The following PCNX2 variants were observed in gnomAD, a reference collection of about 807,000 sequenced individuals.
PCNX2 encodes pecanex-like protein 2.
Under a neutral mutation model 223.8 loss-of-function variants are expected in PCNX2, and 168 were observed. The observed-to-expected ratio is 0.75, with a 90% CI of 0.66 to 0.85. The LOEUF is 0.85. Among genes scored for constraint, PCNX2 ranks in the 40% least tolerant of loss-of-function variants. The probability of loss-of-function intolerance (pLI) is 0.00; values close to 1 mark genes in which losing one functional copy is unlikely to be tolerated. For missense variants in PCNX2, 2,507 were observed against 2,675.5 expected, an observed-to-expected ratio of 0.94 and a Z score of 1.39; for synonymous variants, 1,006 against 1,052.6, an observed-to-expected ratio of 0.96 and a Z score of 0.86.
intron 8 of PCNX2, among the ~76,000 whole-genome samples, chr1:233,244,304 T>C (rs1025852755): frequency 6.6e-6 from 1 of 152,222 alleles, no homozygotes; most frequent in Non-Finnish European, 1.5e-5. Context: ...TGTGTTCACA[T>C]AGCTAGATAC....
chr1:233,246,834 G>A (rs1202837630), intron 8 of PCNX2, among the ~76,000 whole-genome samples: 2 of 152,206 alleles, frequency 1.3e-5, no homozygotes, highest in African/African-American at 4.8e-5. Context: ...ACATGCACTA[G>A]TATGTTAATT....
At chr1:233,024,759 T>C (rs1011775282) in intron 26 of PCNX2, among the ~76,000 whole-genome samples, 1 of 152,316 alleles carries the variant, frequency 6.6e-6, no homozygotes, top group Non-Finnish European at 1.5e-5. Context: ...ATAATTCTGA[T>C]TCTAAAGTGG....
intron 1 of PCNX2, among the ~76,000 whole-genome samples, chr1:233,263,931 T>G (rs1660194910): frequency 6.6e-6 from 1 of 152,118 alleles, no homozygotes; most frequent in Non-Finnish European, 1.5e-5. Flanking sequence ...TTCCCCTCCC[T>G]AACCTCCCAC....
chr1:233,262,098 G>C lies in PCNX2; in HGVS notation c.427C>G (p.Arg143Gly). Residue 143 changes from arginine to glycine, a missense_variant, in exon 3 of 34, where the codon CGC becomes GGC. By Grantham distance (125) the Arg-to-Gly change is moderately radical (BLOSUM62 -2). Transcript: ENST00000258229. ...ATGCTTTGCCCTCTGGAGCTGCAGC[G>C]GAGGGGAGGCGTGGAGAGGTTTCGA... ...ASRNLSTPPL[R>G]CSSRGQSITS... 6.2e-7 allele frequency: 1 copy of C among 1,613,852 alleles called. No individual in the cohort carries two copies. The highest frequency in any genetic ancestry group is 8.5e-7 in the Non-Finnish European group (1 of 1,179,786).
intron 28 of PCNX2, among the ~76,000 whole-genome samples, chr1:233,002,347 T>C (rs1442604522): frequency 1.3e-5 from 2 of 152,066 alleles, no homozygotes; most frequent in Non-Finnish European, 1.5e-5. Context: ...TCACAAGCAT[T>C]CATATACACC....
At chr1:233,192,259 G>A (rs1051681360) in intron 15 of PCNX2, among the ~76,000 whole-genome samples, 9 of 152,198 alleles carry the variant, frequency 5.9e-5, no homozygotes, top group African/African-American at 2.2e-4. Flanking sequence ...AGGACATGAT[G>A]AGACCTGTGA....
chr1:233,085,885 T>C (rs1223830150), intron 23 of PCNX2, among the ~76,000 whole-genome samples: 1 of 152,076 alleles, frequency 6.6e-6, no homozygotes, highest in East Asian at 1.9e-4. Context: ...GGTCTCCAAA[T>C]CACAACCACT....
At chr1:233,161,162 T>C (rs2296516) in intron 18 of PCNX2, 109 bp downstream of exon 18, 1 of 1,006,188 alleles carries the variant, frequency 9.9e-7, no homozygotes, top group African/African-American at 1.6e-5. Context: ...GGGCATTTTG[T>C]TTTCTTTCTC....
chr1:233,053,639 T>C (rs1027780364), intron 25 of PCNX2, among the ~76,000 whole-genome samples: 3 of 152,128 alleles, frequency 2.0e-5, no homozygotes, highest in Non-Finnish European at 4.4e-5. Context: ...ATAAACAACA[T>C]AGGAGAAGGC....
At chr1:233,223,211 T>C (rs548231442) in intron 10 of PCNX2, among the ~76,000 whole-genome samples, 1 of 152,236 alleles carries the variant, frequency 6.6e-6, no homozygotes, top group East Asian at 1.9e-4. Flanking sequence ...AGAAATTAAC[T>C]CTGTCAAATA....
At position 233,263,179 on chromosome 1, in the gene PCNX2, G is replaced by A. The variant is rs779588687; in HGVS notation, c.154-16C>T. 9.1e-6 allele frequency: 14 copies of A among 1,546,136 alleles called. No individual in the cohort carries two copies. The South Asian group carries it at 1.4e-4, about 16-fold the overall frequency. On this transcript the variant is annotated splice_polypyrimidine_tract_variant and intron_variant, in intron 1 of 33. Transcript: ENST00000258229. ...GAGGAAAAGCCTGAAGAAAGGAAAA[G>A]ACAGAGAAAAATCATTTGCTTTTAA...
intron 27 of PCNX2, 49 bp downstream of exon 27, chr1:233,016,872 A>G: frequency 6.3e-7 from 1 of 1,577,806 alleles, no homozygotes; most frequent in Non-Finnish European, 8.7e-7. Context: ...AATGTTCTTT[A>G]TTTATTAAAC....
At chr1:233,264,789 C>T (rs1458317073) in intron 1 of PCNX2, among the ~76,000 whole-genome samples, 1 of 151,994 alleles carries the variant, frequency 6.6e-6, no homozygotes, top group Admixed American at 6.6e-5. Context: ...ACTACTAATA[C>T]GTTAAAATAC....
chr1:233,112,712 A>ACGT, intron 21 of PCNX2: 1 of 550,214 alleles, frequency 1.8e-6, no homozygotes, highest in African/African-American at 2.9e-5. Context: ...TAGATCTTTG[A>ACGT]ACAATATAAC....
upstream of PCNX2, among the ~76,000 whole-genome samples, chr1:233,298,549 G>T (rs899852211): frequency 2.0e-5 from 3 of 152,156 alleles, no homozygotes; most frequent in African/African-American, 7.2e-5. Flanking sequence ...CAGGTGCAAT[G>T]GTCAAGAAAG....
At chr1:233,067,039 T>C (rs1279226855) in intron 23 of PCNX2, among the ~76,000 whole-genome samples, 1 of 152,056 alleles carries the variant, frequency 6.6e-6, no homozygotes, top group East Asian at 1.9e-4. Flanking sequence ...GTAGGGAACC[T>C]GGACTTCTAA....
At chr1:233,155,088 A>C (rs1473106949) in intron 19 of PCNX2, among the ~76,000 whole-genome samples, 1 of 145,860 alleles carries the variant, frequency 6.9e-6, no homozygotes, top group Non-Finnish European at 1.5e-5. Context: ...AAAAAAAAAA[A>C]GATACAGAAA....
At chr1:233,026,756 G>A (rs962112869) in intron 25 of PCNX2, among the ~76,000 whole-genome samples, 8 of 152,326 alleles carry the variant, frequency 5.3e-5, no homozygotes, top group Admixed American at 2.0e-4. Flanking sequence ...TTACAGAGGA[G>A]AGGAAGATTG....
At chr1:233,121,532 A>C (rs1379932432) in intron 21 of PCNX2, among the ~76,000 whole-genome samples, 2 of 152,204 alleles carry the variant, frequency 1.3e-5, no homozygotes, top group African/African-American at 4.8e-5. Context: ...GACCCATACA[A>C]ATATGGTCAA....
Sources: allele counts gnomAD v4.1 joint callset (sites outside exome capture counted in the v4.1 genomes callset), GRCh38; gene constraint gnomAD v4.1.1; transcripts MANE v1.5; gene names NCBI Gene and HGNC (gene_info 2026-07-23, HGNC 2026-07-21).